C16orf74: variants seen among roughly 807,000 people sequenced by gnomAD.
The protein encoded by C16orf74 is calcimembrin, also known as uncharacterized protein C16orf74.
Under a neutral mutation model 6.5 loss-of-function variants are expected in C16orf74, and 10 were observed. The observed-to-expected ratio is 1.54, with a 90% CI of 0.95 to 2.61. C16orf74 has a LOEUF of 2.61. Ranked by LOEUF, C16orf74 falls within the 30% of genes most tolerant of loss-of-function variation. C16orf74 has a pLI of 0.00. For synonymous variants in C16orf74, 60 were observed against 42.5 expected, an observed-to-expected ratio of 1.41 and a Z score of -1.60; for missense variants, 141 against 105.9, an observed-to-expected ratio of 1.33 and a Z score of -1.45.
At chr16:85,712,288 C>T (rs1276153942) in intron 2 of C16orf74, among the ~76,000 whole-genome samples, 3 of 152,202 alleles carry the variant, frequency 2.0e-5, no homozygotes, top group Admixed American at 6.5e-5. Context: ...ATAAGCCACT[C>T]CTCAATTCCT....
At chr16:85,720,116 G>T (rs1272554669) in intron 2 of C16orf74, among the ~76,000 whole-genome samples, 1 of 151,782 alleles carries the variant, frequency 6.6e-6, no homozygotes, top group Non-Finnish European at 1.5e-5. Flanking sequence ...GGCTGGGGTA[G>T]CTCTTGGCGG....
chr16:85,746,480 T>C (rs946474369), intron 1 of C16orf74, among the ~76,000 whole-genome samples: 11 of 152,222 alleles, frequency 7.2e-5, no homozygotes, highest in Non-Finnish European at 1.6e-4. Flanking sequence ...GATGGGGACC[T>C]GGAGAACTAG....
Position 85,751,080 on chromosome 16 carries a change from C to G in C16orf74, c.-173G>C, listed in dbSNP as rs1156371891. 3 of 147,804 alleles carry G rather than the reference C, an allele frequency of 2.0e-5. No individual in the cohort carries two copies. The highest frequency in any genetic ancestry group is 7.3e-5 in the African/African-American group (3 of 40,844). 9.2% of individuals were successfully genotyped at this position (147,804 alleles called of 1,614,324 possible). ...CGGGGGTCATGGCCCGGCCGGCGCT[C>G]GGGCAGCCGCGCGCCTCCCGCGGTC... On this transcript the variant is annotated 5_prime_UTR_variant, in exon 1 of 4. Coordinates refer to ENST00000284245, the MANE Select transcript of C16orf74 (RefSeq NM_206967.3).
intron 2 of C16orf74, among the ~76,000 whole-genome samples, chr16:85,711,967 T>C (rs1416720166): frequency 6.6e-6 from 1 of 152,196 alleles, no homozygotes; most frequent in Non-Finnish European, 1.5e-5. Context: ...AGTGACTTGC[T>C]TCCAACAAAT....
rs2053926246 is a variant in C16orf74, at chr16:85,707,714, T to TC, written c.*293dup. The TC allele has an allele frequency of 2.3e-6, 1 of 434,636 alleles. No homozygotes were observed. The highest frequency in any genetic ancestry group is 4.5e-5 in the East Asian group (1 of 22,462). 26.9% of individuals were successfully genotyped at this position (434,636 alleles called of 1,614,324 possible). A position where few individuals can be genotyped will look rare whatever the true frequency, so the allele number is the denominator to read the frequency against. ...GTGTGTTTGTCCAGAAGAGAGCCTC[T>TC]CCCTGGGACCCCAACAGCCAGGACC... On this transcript the variant is annotated 3_prime_UTR_variant, in exon 4 of 4. Transcript: ENST00000284245.
chr16:85,749,748 C>G (rs796116886), intron 1 of C16orf74, among the ~76,000 whole-genome samples: 12 of 152,378 alleles, frequency 7.9e-5, no homozygotes, highest in African/African-American at 2.6e-4. Context: ...CATTTCAAGT[C>G]TCCAGAGGTG....
intron 2 of C16orf74, among the ~76,000 whole-genome samples, chr16:85,722,596 G>T (rs1388857160): frequency 1.3e-5 from 2 of 152,246 alleles, no homozygotes; most frequent in Admixed American, 6.5e-5. Flanking sequence ...TGGGCCCAGG[G>T]CCCCAGGACT....
Position 85,712,414 on chromosome 16 carries a change from A to G in C16orf74, c.29-2107T>C, listed in dbSNP as rs191191438. 1.3e-3 allele frequency among the ~76,000 whole-genome samples: 196 copies of G among 152,358 alleles called. 1 individual carries two copies. Among genetic ancestry groups the G allele is most frequent in the Non-Finnish European group, 3.5e-4 (24 of 68,032 alleles). On this transcript the variant is annotated intron_variant, in intron 2 of 3. Coordinates refer to ENST00000284245, the MANE Select transcript of C16orf74 (RefSeq NM_206967.3). ...TCAGCAAATCTTTCCCTGACCCAGT[A>G]GGAAGGGATGGCAGGTGCACAGTGG...
At chr16:85,730,744 C>A (rs1312879020) in intron 2 of C16orf74, among the ~76,000 whole-genome samples, 1 of 151,176 alleles carries the variant, frequency 6.6e-6, no homozygotes, top group South Asian at 2.1e-4. Context: ...AGTAAAGCCT[C>A]CAGCCCAGCC....
intron 2 of C16orf74, among the ~76,000 whole-genome samples, chr16:85,725,447 G>A (rs1213912690): frequency 2.0e-5 from 3 of 152,222 alleles, no homozygotes; most frequent in Non-Finnish European, 4.4e-5. Context: ...TAGAGCACCA[G>A]TGCCTGGGAC....
chr16:85,710,086 A>T (rs2053953113), intron 3 of C16orf74, 78 bp downstream of exon 3: 2 of 1,266,620 alleles, frequency 1.6e-6, no homozygotes, highest in African/African-American at 1.6e-5. Flanking sequence ...CCCCGTGGCC[A>T]GGAAGGACGC....
chr16:85,710,486 A>C (rs1026524047), intron 2 of C16orf74, 179 bp from the exon 3 acceptor site: 1 of 537,140 alleles, frequency 1.9e-6, no homozygotes, highest in African/African-American at 2.0e-5. Flanking sequence ...CAGGAATGAA[A>C]AAGGAGCCCT....
intron 1 of C16orf74, among the ~76,000 whole-genome samples, chr16:85,744,716 G>A (rs2054351484): frequency 6.6e-6 from 1 of 151,150 alleles, no homozygotes; most frequent in African/African-American, 2.4e-5. Context: ...TGTAGTCTCA[G>A]CTACTTGGGA....
intron 2 of C16orf74, among the ~76,000 whole-genome samples, chr16:85,716,974 A>C (rs1477413280): frequency 2.6e-5 from 4 of 152,182 alleles, no homozygotes; most frequent in Non-Finnish European, 4.4e-5. Context: ...TTCCAGAAGG[A>C]AGGGAGCAGA....
chr16:85,731,580 A>G (rs2054188035), intron 2 of C16orf74, among the ~76,000 whole-genome samples: 1 of 152,058 alleles, frequency 6.6e-6, no homozygotes, highest in African/African-American at 2.4e-5. Context: ...GGCCCCAGGG[A>G]GTGAGAGTAA....
chr16:85,728,544 A>G (rs1052128487), intron 2 of C16orf74, among the ~76,000 whole-genome samples: 1 of 151,878 alleles, frequency 6.6e-6, no homozygotes, highest in Non-Finnish European at 1.5e-5. Context: ...ACAGAACCTC[A>G]CAGATCACAG....
chr16:85,747,177 C>T (rs559482569), intron 1 of C16orf74, among the ~76,000 whole-genome samples: 1 of 152,142 alleles, frequency 6.6e-6, no homozygotes, highest in Non-Finnish European at 1.5e-5. Flanking sequence ...GAGCTGAACA[C>T]CTTTAGGATT....
intron 2 of C16orf74, among the ~76,000 whole-genome samples, chr16:85,729,951 G>A (rs2054171166): frequency 1.3e-5 from 2 of 152,176 alleles, no homozygotes; most frequent in South Asian, 4.1e-4. Context: ...AGCAGCCACC[G>A]GACAGTCACG....
intron 1 of C16orf74, among the ~76,000 whole-genome samples, chr16:85,736,449 G>A (rs1371347923): frequency 6.6e-6 from 1 of 152,180 alleles, no homozygotes; most frequent in East Asian, 1.9e-4. Flanking sequence ...AGAAATCGGG[G>A]AGGTGAATGT....
Sources: allele counts gnomAD v4.1 joint callset (sites outside exome capture counted in the v4.1 genomes callset), GRCh38; gene constraint gnomAD v4.1.1; transcripts MANE v1.5; gene names NCBI Gene and HGNC (gene_info 2026-07-23, HGNC 2026-07-21).